Variants in NRG3 observed in about 807,000 individuals in gnomAD.
NRG3 encodes pro-neuregulin-3, membrane-bound isoform.
In NRG3, 31 loss-of-function variants were observed where a neutral mutation model predicts 66.9. That is an observed-to-expected ratio of 0.46 (90% confidence interval 0.35 to 0.63). The LOEUF (loss-of-function observed/expected upper bound fraction) is 0.63, where lower values mean the gene tolerates loss of function less well. Ranked by LOEUF, NRG3 falls within the 20% of genes least tolerant of loss-of-function variation. NRG3 has a pLI of 0.00. For synonymous variants in NRG3, 393 were observed against 359.4 expected, an observed-to-expected ratio of 1.09 and a Z score of -1.06; for missense variants, 910 against 878.9, an observed-to-expected ratio of 1.04 and a Z score of -0.45.
intron 1 of NRG3, among the ~76,000 whole-genome samples, chr10:82,339,775 G>A (rs1193574896): frequency 6.6e-6 from 1 of 151,248 alleles, no homozygotes; most frequent in African/African-American, 2.4e-5. Context: ...CACTTTGGTT[G>A]CATGCCTGCA....
Position 82,494,448 on chromosome 10 carries a change from C to A in NRG3, c.953+135580C>A, listed in dbSNP as rs956479803. ...GATATGTAAATTCCTTCCACTATAG[C>A]TTTTGAGGTTGTGTGTGTATGTGTA... On this transcript the variant is annotated intron_variant, in intron 2 of 8. Coordinates refer to ENST00000372141, the MANE Select transcript of NRG3 (RefSeq NM_001010848.4). 3.3e-5 allele frequency among the ~76,000 whole-genome samples: 5 copies of A among 151,770 alleles called. No homozygotes were observed. The South Asian group carries it at 8.3e-4, about 25-fold the overall frequency.
At position 81,920,650 on chromosome 10, in the gene NRG3, A is replaced by G. The variant is rs116231579; in HGVS notation, c.823+44487A>G. ...ATCTGTAATTATGCCAACCCCAGAA[A>G]GCTAATGCTTTTGCTTATTTTTAGA... On this transcript the variant is annotated intron_variant, in intron 1 of 8. Transcript: ENST00000372141. Among the ~76,000 whole-genome samples, 1,171 of 152,346 alleles carry G rather than the reference A, an allele frequency of 7.7e-3. 12 individuals carry two copies. The highest frequency in any genetic ancestry group is 0.022 in the African/African-American group (894 of 41,576).
chr10:82,418,444 C>G (rs1018815187), intron 2 of NRG3, among the ~76,000 whole-genome samples: 1 of 149,316 alleles, frequency 6.7e-6, no homozygotes, highest in Non-Finnish European at 1.5e-5. Context: ...GCAAATTAAC[C>G]AGTTTATGCA....
chr10:82,290,834 G>A (rs1334512797), intron 1 of NRG3, among the ~76,000 whole-genome samples: 3 of 149,616 alleles, frequency 2.0e-5, no homozygotes, highest in South Asian at 2.1e-4. Flanking sequence ...TAGTAGAGAC[G>A]GGGTTTCACC....
chr10:82,662,807 C>T (rs1272062561), intron 2 of NRG3, among the ~76,000 whole-genome samples: 1 of 152,182 alleles, frequency 6.6e-6, no homozygotes, highest in Non-Finnish European at 1.5e-5. Flanking sequence ...GAGTCAACAG[C>T]AGGTATAAAG....
At chr10:82,795,138 G>C (rs1412347144) in intron 3 of NRG3, among the ~76,000 whole-genome samples, 2 of 152,176 alleles carry the variant, frequency 1.3e-5, no homozygotes, top group African/African-American at 4.8e-5. Flanking sequence ...TCAAATAAAT[G>C]ATTGATGGTA....
chr10:82,359,435 T>C (rs1221031979), intron 2 of NRG3, among the ~76,000 whole-genome samples: 1 of 152,232 alleles, frequency 6.6e-6, no homozygotes, highest in Admixed American at 6.5e-5. Context: ...ATAGTAGTCC[T>C]GTTATAGTCT....
At chr10:82,501,976 C>T (rs1210155270) in intron 2 of NRG3, among the ~76,000 whole-genome samples, 1 of 152,106 alleles carries the variant, frequency 6.6e-6, no homozygotes, top group Non-Finnish European at 1.5e-5. Context: ...ATAGGAGCCG[C>T]TCAGTGAATG....
intron 1 of NRG3, among the ~76,000 whole-genome samples, chr10:82,347,684 A>G (rs1463120038): frequency 6.6e-6 from 1 of 152,066 alleles, no homozygotes; most frequent in Non-Finnish European, 1.5e-5. Context: ...GTCTCCCATT[A>G]TTATTGTGTG....
intron 2 of NRG3, among the ~76,000 whole-genome samples, chr10:82,472,159 A>G (rs1217127683): frequency 6.6e-6 from 1 of 152,158 alleles, no homozygotes; most frequent in Non-Finnish European, 1.5e-5. Flanking sequence ...ATCTTTTACC[A>G]CCTATAAAAA....
Position 81,988,490 on chromosome 10 carries a change from C to G in NRG3, c.823+112327C>G, listed in dbSNP as rs1330367558. Among the ~76,000 whole-genome samples, 3 of 152,270 alleles carry G rather than the reference C, an allele frequency of 2.0e-5. No individual in the cohort carries two copies. The South Asian group carries it at 6.2e-4, about 32-fold the overall frequency. On this transcript the variant is annotated intron_variant, in intron 1 of 8. Coordinates refer to ENST00000372141, the MANE Select transcript of NRG3 (RefSeq NM_001010848.4). The stretch of plus-strand genomic sequence containing the variant: ...TATTGCTAATGCCTACCTATTTTCC[C>G]TATCAAATGAATCAGGAAGCTTTGT...
intron 1 of NRG3, among the ~76,000 whole-genome samples, chr10:81,979,427 A>C (rs1419651591): frequency 6.6e-6 from 1 of 152,122 alleles, no homozygotes; most frequent in Non-Finnish European, 1.5e-5. Context: ...CTATGAAGGA[A>C]CTGTTTCAAA....
At chr10:82,619,102 A>G (rs1270045260) in intron 2 of NRG3, among the ~76,000 whole-genome samples, 3 of 152,152 alleles carry the variant, frequency 2.0e-5, no homozygotes, top group Non-Finnish European at 2.9e-5. Context: ...CCAAAGTATT[A>G]CTGCCATTTT....
chr10:82,093,118 G>A (rs2066130604), intron 1 of NRG3, among the ~76,000 whole-genome samples: 1 of 152,120 alleles, frequency 6.6e-6, no homozygotes, highest in Admixed American at 6.6e-5. Context: ...CAGGCAGCAT[G>A]CTTTACCTAT....
At position 81,932,624 on chromosome 10, in the gene NRG3, G is replaced by C. The variant is rs936294307; in HGVS notation, c.823+56461G>C. On this transcript the variant is annotated intron_variant, in intron 1 of 8. Transcript: ENST00000372141. ...AAATGTACTCTGCAGGTTGTATGTT[G>C]TACAATCTTAAGTATTTCAATTACC... Among the ~76,000 whole-genome samples, 3 of 152,190 alleles carry C rather than the reference G, an allele frequency of 2.0e-5. No individual in the cohort carries two copies. The East Asian group carries it at 5.8e-4, about 29-fold the overall frequency.
At chr10:82,678,971 T>C (rs1177124327) in intron 2 of NRG3, among the ~76,000 whole-genome samples, 1 of 152,230 alleles carries the variant, frequency 6.6e-6, no homozygotes, top group Admixed American at 6.5e-5. Context: ...AGGTGGACAA[T>C]CTGACATTGG....
intron 1 of NRG3, among the ~76,000 whole-genome samples, chr10:82,019,586 A>C (rs1373252040): frequency 6.6e-6 from 1 of 151,922 alleles, no homozygotes; most frequent in African/African-American, 2.4e-5. Context: ...TTTGGTTGGT[A>C]AGCTATTAAT....
At chr10:82,912,658 G>T (rs2131984338) in intron 4 of NRG3, among the ~76,000 whole-genome samples, 1 of 152,184 alleles carries the variant, frequency 6.6e-6, no homozygotes, top group South Asian at 2.1e-4. Context: ...TGATTTTTGA[G>T]ATTTCTGGAT....
chr10:81,878,178 A>T (rs1841854039), intron 1 of NRG3: 1 of 1,244,374 alleles, frequency 8.0e-7, no homozygotes, highest in Admixed American at 2.9e-5. Flanking sequence ...ATGATTATTG[A>T]CAGGGCCCTC....
Sources: allele counts gnomAD v4.1 joint callset (sites outside exome capture counted in the v4.1 genomes callset), GRCh38; gene constraint gnomAD v4.1.1; transcripts MANE v1.5; gene names NCBI Gene and HGNC (gene_info 2026-07-23, HGNC 2026-07-21).